Variants in GMDS observed in about 807,000 individuals in gnomAD.
The protein encoded by GMDS is GDP-mannose 4,6-dehydratase, also known as GDP-mannose 4,6 dehydratase.
GMDS carries 20 observed loss-of-function variants against 49.9 expected under a neutral mutation model. That is an observed-to-expected ratio of 0.40 (90% confidence interval 0.28 to 0.58). The LOEUF (loss-of-function observed/expected upper bound fraction) is 0.58. Ranked by LOEUF, GMDS falls within the 20% of genes least tolerant of loss-of-function variation. The pLI is 0.42. For missense variants in GMDS, 362 were observed against 481.4 expected (o/e 0.75, Z 2.32); for synonymous variants, 177 against 178.6 (o/e 0.99, Z 0.07).
intron 4 of GMDS, among the ~76,000 whole-genome samples, chr6:1,983,770 T>C (rs970841831): frequency 1.8e-4 from 27 of 152,170 alleles, no homozygotes; most frequent in African/African-American, 5.5e-4. Flanking sequence ...ACACTGTTGG[T>C]TGGAGTGTAA....
chr6:1,840,849 G>T (rs1757124552), intron 7 of GMDS, among the ~76,000 whole-genome samples: 1 of 152,230 alleles, frequency 6.6e-6, no homozygotes, highest in Non-Finnish European at 1.5e-5. Flanking sequence ...CAGCGTTCGG[G>T]TTGGTTAAAA....
rs57397146 is a variant in GMDS at position 1,824,297 on chromosome 6, C to T, written c.772-81711G>A. Among the ~76,000 whole-genome samples the T allele has an allele frequency of 4.5e-4, 68 of 152,284 alleles. No individual in the cohort carries two copies. In the East Asian group the frequency reaches 6.6e-3, roughly 15 times the overall value. The stretch of plus-strand genomic sequence containing the variant: ...GCAAATGCAACATATCTCCATGCAA[C>T]GTGACGGAAACTCCAAGGCTGTGTG... On this transcript the variant is annotated intron_variant, in intron 7 of 10. Coordinates refer to ENST00000380815, the MANE Select transcript of GMDS (RefSeq NM_001500.4).
Position 2,142,428 on chromosome 6 carries a change from G to GAAAGA in GMDS, c.103-17702_103-17698dup, listed in dbSNP as rs558656204. ...AGTGGTGTCCTTATTTAAAAAAAAA[G>GAAAGA]AAAGAAAAGAAAATCTGGACACAGG... On this transcript the variant is annotated intron_variant, in intron 1 of 10. Coordinates refer to ENST00000380815, the MANE Select transcript of GMDS (RefSeq NM_001500.4). Among the ~76,000 whole-genome samples the GAAAGA allele has an allele frequency of 5.6e-3, 859 of 152,118 alleles. 2 individuals carry two copies. The highest frequency in any genetic ancestry group is 0.017 in the Middle Eastern group (5 of 294).
At chr6:2,189,995 T>G (rs1277574836) in intron 1 of GMDS, among the ~76,000 whole-genome samples, 1 of 152,218 alleles carries the variant, frequency 6.6e-6, no homozygotes, top group Non-Finnish European at 1.5e-5. Flanking sequence ...GAACCTTTTA[T>G]AGACTCCTGG....
chr6:1,879,981 C>A (rs1481646933), intron 7 of GMDS, among the ~76,000 whole-genome samples: 1 of 151,892 alleles, frequency 6.6e-6, no homozygotes, highest in Non-Finnish European at 1.5e-5. Flanking sequence ...ATAGGAGAGA[C>A]AATAAACTGA....
chr6:1,822,456 A>G (rs1770939710), intron 7 of GMDS, among the ~76,000 whole-genome samples: 1 of 152,216 alleles, frequency 6.6e-6, no homozygotes, highest in African/African-American at 2.4e-5. Context: ...AAAAAAATAC[A>G]TATACAAACT....
intron 7 of GMDS, among the ~76,000 whole-genome samples, chr6:1,887,077 G>T (rs1400380827): frequency 6.6e-6 from 1 of 152,140 alleles, no homozygotes; most frequent in East Asian, 1.9e-4. Context: ...ATGTAGAGAG[G>T]GTAAGCAACT....
intron 9 of GMDS, among the ~76,000 whole-genome samples, chr6:1,722,247 TAGTAG>T (rs1561756873): frequency 3.3e-5 from 3 of 90,032 alleles, no homozygotes; most frequent in African/African-American, 1.3e-4. Flanking sequence ...TTATTATTAG[TAGTAG>T]TAGTAGTAGT....
chr6:2,189,413 C>T (rs879656553), intron 1 of GMDS, among the ~76,000 whole-genome samples: 12 of 152,094 alleles, frequency 7.9e-5, no homozygotes, highest in African/African-American at 2.7e-4. Context: ...ATCTTATATG[C>T]GGAGGGTTAA....
intron 9 of GMDS, among the ~76,000 whole-genome samples, chr6:1,645,553 C>A (rs1763460803): frequency 6.6e-6 from 1 of 152,244 alleles, no homozygotes; most frequent in South Asian, 2.1e-4. Flanking sequence ...CCTTGCCTTG[C>A]CTCACTTGCT....
intron 1 of GMDS, among the ~76,000 whole-genome samples, chr6:2,172,596 G>A (rs1184379352): frequency 1.3e-5 from 2 of 152,100 alleles, no homozygotes; most frequent in Non-Finnish European, 2.9e-5. Context: ...GGGAGACTGA[G>A]GCAGAGAATT....
chr6:1,726,612 G>A (rs1224994186), intron 8 of GMDS, 100 bp from the exon 9 acceptor site: 5 of 820,664 alleles, frequency 6.1e-6, no homozygotes, highest in South Asian at 2.9e-5. Context: ...CCGCAGGAGC[G>A]CTTAAGCTCA....
At chr6:2,215,751 C>G (rs1780305358) in intron 1 of GMDS, among the ~76,000 whole-genome samples, 1 of 152,074 alleles carries the variant, frequency 6.6e-6, no homozygotes, top group Non-Finnish European at 1.5e-5. Flanking sequence ...AATGTATCAC[C>G]TTATTCGGAC....
chr6:2,016,146 C>T (rs967571260), intron 4 of GMDS, among the ~76,000 whole-genome samples: 5 of 148,762 alleles, frequency 3.4e-5, no homozygotes, highest in Admixed American at 6.7e-5. Context: ...GTAGTCCCAG[C>T]TACTTGGGAG....
At chr6:1,914,131 G>GTTTTTTTTTTTTTT (rs563808537) in intron 7 of GMDS, among the ~76,000 whole-genome samples, 1 of 77,854 alleles carries the variant, frequency 1.3e-5, no homozygotes, top group African/African-American at 4.6e-5. Context: ...TTTTTTGTTT[G>GTTTTTTTTTTTTTT]TTTTTTTTTT....
At chr6:1,986,744 T>G (rs887305894) in intron 4 of GMDS, among the ~76,000 whole-genome samples, 3 of 152,174 alleles carry the variant, frequency 2.0e-5, no homozygotes, top group Non-Finnish European at 4.4e-5. Flanking sequence ...CTCCACTCAT[T>G]GCTATTAATT....
At chr6:1,720,909 G>C (rs138216004) in intron 9 of GMDS, among the ~76,000 whole-genome samples, 1 of 152,150 alleles carries the variant, frequency 6.6e-6, no homozygotes, top group Non-Finnish European at 1.5e-5. Flanking sequence ...GGGGAAGTGT[G>C]AGAAGGTGGT....
At chr6:2,215,497 T>G (rs924867682) in intron 1 of GMDS, among the ~76,000 whole-genome samples, 2 of 151,370 alleles carry the variant, frequency 1.3e-5, no homozygotes, top group African/African-American at 4.9e-5. Context: ...ACCACCCCCA[T>G]GACTCAGTGA....
chr6:1,821,848 C>T (rs1485168620), intron 7 of GMDS, among the ~76,000 whole-genome samples: 2 of 151,638 alleles, frequency 1.3e-5, no homozygotes, highest in Non-Finnish European at 2.9e-5. Context: ...AGTCTTGCGG[C>T]GGGGGAGGGG....
Sources: gnomAD v4.1 joint callset for allele counts (sites outside exome capture counted in the v4.1 genomes callset) on GRCh38, gnomAD v4.1.1 for gene constraint, MANE v1.5 for transcripts, NCBI Gene and HGNC (gene_info 2026-07-23, HGNC 2026-07-21) for gene names.